PDE1C: variants seen among roughly 807,000 people sequenced by gnomAD.
PDE1C encodes the protein dual specificity calcium/calmodulin-dependent 3',5'-cyclic nucleotide phosphodiesterase 1C.
In PDE1C, 62 loss-of-function variants were observed where a neutral mutation model predicts 93.1. The ratio of observed to expected loss-of-function variants is 0.67; its 90% CI spans 0.54 to 0.82. The LOEUF (loss-of-function observed/expected upper bound fraction) is 0.82, where lower values mean the gene tolerates loss of function less well. Ranked by LOEUF, PDE1C falls within the 40% of genes least tolerant of loss-of-function variation. PDE1C has a pLI of 0.00. For missense variants in PDE1C, 742 were observed against 884.6 expected, an observed-to-expected ratio of 0.84 and a Z score of 2.04; for synonymous variants, 325 against 310.1, an observed-to-expected ratio of 1.05 and a Z score of -0.50.
chr7:32,055,187 T>C (rs967582158), intron 1 of PDE1C, among the ~76,000 whole-genome samples: 1 of 152,244 alleles, frequency 6.6e-6, no homozygotes, highest in Non-Finnish European at 1.5e-5. Flanking sequence ...TCAAAAATGC[T>C]TTCTTTTTAT....
At chr7:31,645,530 C>A in the PDE1C span, among the ~76,000 whole-genome samples, 1 of 151,590 alleles carries the variant, frequency 6.6e-6, no homozygotes, top group Admixed American at 6.6e-5. Context: ...CTGGGTGGTT[C>A]TTGAGTATCA....
At chr7:32,374,207 AGG>A (rs1217817917) in intron 1 of PDE1C, among the ~76,000 whole-genome samples, 99 of 145,552 alleles carry the variant, frequency 6.8e-4, no homozygotes, top group African/African-American at 2.4e-3. Flanking sequence ...AGGGAAAGAG[AGG>A]GAAAGAAAGG....
chr7:32,225,291 C>T (rs933373244), intron 1 of PDE1C, among the ~76,000 whole-genome samples: 10 of 152,020 alleles, frequency 6.6e-5, no homozygotes, highest in African/African-American at 2.4e-4. Context: ...TTTCGTCTCC[C>T]TTTGTATAAG....
chr7:32,210,402 A>G (rs900565034), intron 1 of PDE1C, among the ~76,000 whole-genome samples: 1 of 152,236 alleles, frequency 6.6e-6, no homozygotes, highest in Non-Finnish European at 1.5e-5. Flanking sequence ...TCTAGCTGAG[A>G]AAAAAGCATT....
chr7:32,409,919 T>G (rs1785131051), intron 1 of PDE1C, among the ~76,000 whole-genome samples: 1 of 152,004 alleles, frequency 6.6e-6, no homozygotes, highest in African/African-American at 2.4e-5. Flanking sequence ...ATACAGATTC[T>G]AATAAAAGTC....
the PDE1C span, among the ~76,000 whole-genome samples, chr7:31,712,875 G>C: frequency 9.2e-5 from 14 of 152,134 alleles, no homozygotes; most frequent in Middle Eastern, 3.4e-3. Context: ...TCACTATCAC[G>C]AGAACAGCAA....
intron 1 of PDE1C, among the ~76,000 whole-genome samples, chr7:32,308,834 C>T (rs1182884879): frequency 1.3e-5 from 2 of 151,826 alleles, no homozygotes; most frequent in African/African-American, 4.8e-5. Context: ...CTCTAAAAAG[C>T]AGAGTGCCTC....
At chr7:31,789,995 T>G in intron 16 of PDE1C, 1 of 1,260,472 alleles carries the variant, frequency 7.9e-7, no homozygotes. Context: ...AAATCTCACG[T>G]TGTTTGTTTT....
rs1386103338 is a variant in PDE1C, at chr7:32,364,525, A to G, written c.310+63297T>C. On this transcript the variant is annotated intron_variant, in intron 1 of 1. Coordinates refer to the PDE1C transcript ENST00000672256. ...AAAAGGTAAGCAGAAGATCCCCACCAGCCCCATTACCACTGCAAACACCTA... is the reference window on the plus strand; with the variant it reads ...AAAAGGTAAGCAGAAGATCCCCACCGGCCCCATTACCACTGCAAACACCTA... Among the ~76,000 whole-genome samples the G allele has an allele frequency of 2.6e-5, 4 of 152,192 alleles. No homozygotes were observed. In the East Asian group the frequency reaches 7.7e-4, roughly 29 times the overall value.
At chr7:31,663,820 C>A in the PDE1C span, among the ~76,000 whole-genome samples, 3 of 152,076 alleles carry the variant, frequency 2.0e-5, no homozygotes, top group Non-Finnish European at 4.4e-5. Flanking sequence ...ATTTACATAC[C>A]GTGTTTGGGA....
At chr7:32,085,901 T>G (rs1308847956) in intron 3 of PDE1C, among the ~76,000 whole-genome samples, 4 of 147,770 alleles carry the variant, frequency 2.7e-5, no homozygotes, top group Admixed American at 6.7e-5. Flanking sequence ...AATATCATAC[T>G]GAATGGGCAA....
At chr7:31,925,030 T>TA (rs1253479782) in intron 2 of PDE1C, among the ~76,000 whole-genome samples, 3 of 145,684 alleles carry the variant, frequency 2.1e-5, no homozygotes, top group Non-Finnish European at 3.0e-5. Context: ...GAGCTAAAAG[T>TA]AGACATTTCT....
At chr7:32,033,877 G>A (rs1434405631) in intron 2 of PDE1C, among the ~76,000 whole-genome samples, 1 of 151,978 alleles carries the variant, frequency 6.6e-6, no homozygotes, top group Non-Finnish European at 1.5e-5. Flanking sequence ...TCCCCAAAAG[G>A]ATATAGCTTA....
intron 1 of PDE1C, among the ~76,000 whole-genome samples, chr7:32,262,805 T>G (rs1810306919): frequency 6.6e-6 from 1 of 152,246 alleles, no homozygotes; most frequent in Non-Finnish European, 1.5e-5. Context: ...AGATTAAAGT[T>G]GATTTTTAGA....
chr7:32,356,482 T>C (rs1487203103), intron 1 of PDE1C, among the ~76,000 whole-genome samples: 3 of 152,256 alleles, frequency 2.0e-5, no homozygotes, highest in Non-Finnish European at 4.4e-5. Flanking sequence ...TGAATTATAG[T>C]TGTTTCCTTA....
At chr7:31,730,653 A>T in the PDE1C span, among the ~76,000 whole-genome samples, 2 of 152,288 alleles carry the variant, frequency 1.3e-5, no homozygotes, top group East Asian at 3.9e-4. Context: ...TTTATTAGGT[A>T]CTGCAGATAT....
chr7:32,238,251 G>A (rs1562607586), intron 1 of PDE1C, among the ~76,000 whole-genome samples: 3 of 152,068 alleles, frequency 2.0e-5, no homozygotes, highest in African/African-American at 2.4e-5. Flanking sequence ...TTCTACAATG[G>A]CAATACGAAT....
At chr7:32,023,067 G>A (rs1365319023) in intron 2 of PDE1C, among the ~76,000 whole-genome samples, 1 of 151,578 alleles carries the variant, frequency 6.6e-6, no homozygotes, top group East Asian at 1.9e-4. Flanking sequence ...ACACAAGACT[G>A]GCCAACCAAT....
At chr7:31,847,813 C>A (rs544816693) in intron 9 of PDE1C, 155 bp downstream of exon 9, 2 of 746,376 alleles carry the variant, frequency 2.7e-6, no homozygotes, top group Non-Finnish European at 4.6e-6. Context: ...TACATACATA[C>A]ACAAAGAGAG....
Sources: allele counts gnomAD v4.1 joint callset (sites outside exome capture counted in the v4.1 genomes callset), GRCh38; gene constraint gnomAD v4.1.1; transcripts MANE v1.5; gene names NCBI Gene and HGNC (gene_info 2026-07-23, HGNC 2026-07-21).